The following NXPE3 variants were observed in gnomAD, a reference collection of about 807,000 sequenced individuals.
The protein encoded by NXPE3 is NXPE family member 3.
A neutral mutation model predicts 46.1 loss-of-function variants in NXPE3; 26 were observed. The observed-to-expected ratio is 0.56, with a 90% confidence interval of 0.41 to 0.78. The LOEUF (loss-of-function observed/expected upper bound fraction) is 0.78. Among genes scored for constraint, NXPE3 ranks in the 30% least tolerant of loss-of-function variants. The pLI is 0.00. For missense variants in NXPE3, 620 were observed against 686.0 expected (o/e 0.90, Z 1.07); for synonymous variants, 272 against 257.9 (o/e 1.05, Z -0.52).
At chr3:101,802,693 G>T (rs2107301735) in intron 5 of NXPE3, among the ~76,000 whole-genome samples, 1 of 152,042 alleles carries the variant, frequency 6.6e-6, no homozygotes, top group African/African-American at 2.4e-5. Context: ...AATAGTTGTT[G>T]AAATTATTGC....
rs1305744178 is a variant in NXPE3, at chr3:101,821,738, G to A, written c.1464G>A (p.Glu488=). ...VVVIRTANAQ[E]LGPEVSLFNS... ...TCATCCGGACGGCCAACGCCCAAGA[G>A]CTGGGACCTGAGGTGAGCCTTTTCA... Residue 488 remains glutamate (E), a synonymous_variant, in exon 8 of 8, where the codon GAG becomes GAA. Coordinates refer to ENST00000273347, the MANE Select transcript of NXPE3 (RefSeq NM_145037.4). 6 of 1,614,116 alleles carry A rather than the reference G, an allele frequency of 3.7e-6. No individual in the cohort carries two copies. Among genetic ancestry groups the A allele is most frequent in the Admixed American group, 3.3e-5 (2 of 60,006 alleles).
rs1334297793 is a variant in NXPE3, at chr3:101,822,384, C to T, written c.*430C>T. ...ATCTGCATGCATAGCACAAGTAATC[C>T]ATCTTCTGGCGGTTAACTAGAGAAA... is the stretch of plus-strand genomic sequence containing the variant. On this transcript the variant is annotated 3_prime_UTR_variant, in exon 8 of 8. Transcript: ENST00000273347. The T allele has an allele frequency of 6.2e-6, 1 of 160,038 alleles. No individual in the cohort carries two copies. Among genetic ancestry groups the T allele is most frequent in the East Asian group, 1.8e-4 (1 of 5,630 alleles). The allele number at this position is 160,038 out of a possible 1,614,324, so 9.9% of individuals were successfully genotyped here.
intron 3 of NXPE3, 55 bp from the exon 4 acceptor site, chr3:101,785,347 A>AC: frequency 2.4e-6 from 1 of 422,046 alleles, no homozygotes; most frequent in Non-Finnish European, 4.4e-6. Context: ...TTTTCCTCTC[A>AC]CCCCACCCTA....
In NXPE3 at chr3:101,825,149, C is replaced by T. The variant is rs1252596317; in HGVS notation, c.*3195C>T. Reference sequence around the variant, plus strand: ...AGTAATTTTTCCTGATCCTCTCCCTCCTCCTACCCTCCACCCTCCAATAGA... The same window carrying T: ...AGTAATTTTTCCTGATCCTCTCCCTTCTCCTACCCTCCACCCTCCAATAGA... On this transcript the variant is annotated 3_prime_UTR_variant, in exon 8 of 8. Coordinates refer to ENST00000273347, the MANE Select transcript of NXPE3 (RefSeq NM_145037.4). 6.6e-6 allele frequency: 1 copy of T among 152,162 alleles called. No individual in the cohort carries two copies. Among genetic ancestry groups the T allele is most frequent in the Non-Finnish European group, 1.5e-5 (1 of 68,044 alleles). 9.4% of individuals were successfully genotyped at this position (152,162 alleles called of 1,614,324 possible).
intron 3 of NXPE3, 113 bp from the exon 4 acceptor site, chr3:101,785,288 CT>C (rs1447870744): frequency 8.2e-6 from 2 of 242,602 alleles, no homozygotes; most frequent in South Asian, 1.2e-4. Context: ...TTGCTTTCTC[CT>C]TGTGACTTTG....
At position 101,825,619 on chromosome 3, in the gene NXPE3, C is replaced by T. The variant is rs531183443; in HGVS notation, c.*3665C>T. On this transcript the variant is annotated 3_prime_UTR_variant, in exon 8 of 8. Coordinates refer to ENST00000273347, the MANE Select transcript of NXPE3 (RefSeq NM_145037.4). Reference sequence around the variant, plus strand: ...CTTATAGAGAATATGTAATTTGGGTCTGTGTTTTTTACATATAAATATTTT... The same window carrying T: ...CTTATAGAGAATATGTAATTTGGGTTTGTGTTTTTTACATATAAATATTTT... 2 of 151,962 alleles carry T rather than the reference C, an allele frequency of 1.3e-5. No homozygotes were observed. The highest frequency in any genetic ancestry group is 2.9e-5 in the Non-Finnish European group (2 of 67,980). The allele number at this position is 151,962 out of a possible 1,614,324, so 9.4% of individuals were successfully genotyped here.
Position 101,801,575 on chromosome 3 carries a change from A to G in NXPE3, c.434A>G (p.Gln145Arg). 2 of 1,614,220 alleles carry G rather than the reference A, an allele frequency of 1.2e-6. No homozygotes were observed. The highest frequency in any genetic ancestry group is 2.2e-5 in the East Asian group (1 of 44,890). ...KPKKYGGDYLQARIHSLKLQA... is the reference protein window; with the variant it reads ...KPKKYGGDYLRARIHSLKLQA... ...AAGAAGTATGGTGGAGACTACCTGC[A>G]GGCCAGAATTCACTCCCTCAAGCTG... The change falls in exon 5 of 8, where the codon CAG becomes CGG. Residue 145 changes from glutamine to arginine, a missense_variant. Around this residue, in one of 3 missense-constraint regions of NXPE3, gnomAD observed 511 missense variants for 528.6 expected, o/e 0.97. Transcript: ENST00000273347.
At position 101,819,858 on chromosome 3, in the gene NXPE3, C is replaced by T. The variant is rs144726681; in HGVS notation, c.1130-1546C>T. ...GTGCAATAGATGTCTAAAACATTTT[C>T]CTTCTGAGACCTTGATTAATATTTC... On this transcript the variant is annotated intron_variant, in intron 7 of 7. Coordinates refer to ENST00000273347, the MANE Select transcript of NXPE3 (RefSeq NM_145037.4). Among the ~76,000 whole-genome samples the T allele has an allele frequency of 9.9e-3, 1,505 of 152,218 alleles. 22 individuals are homozygous for T. Among genetic ancestry groups the T allele is most frequent in the African/African-American group, 0.034 (1,393 of 41,512 alleles).
At chr3:101,805,365 G>T (rs1026700648) in intron 5 of NXPE3, among the ~76,000 whole-genome samples, 6 of 150,980 alleles carry the variant, frequency 4.0e-5, no homozygotes, top group Admixed American at 2.0e-4. Context: ...TAATCCAAAA[G>T]AATTCTTTAG....
At position 101,801,794 on chromosome 3, in the gene NXPE3, G is replaced by T. The variant is rs1429541585; in HGVS notation, c.653G>T (p.Arg218Ile). Residue 218 changes from arginine to isoleucine, a missense_variant, in exon 5 of 8, where the codon AGA (arginine) becomes ATA (isoleucine). Physicochemically the swap from Arg to Ile is moderately conservative, Grantham distance 97. Transcript: ENST00000273347. ...VYFKSLFRSG[R>I]ISETTECNVC... ...TTCAAGAGTCTCTTCCGTTCAGGAA[G>T]AATTTCTGAAACTACTGAGTGCAAC... The T allele has an allele frequency of 6.2e-7, 1 of 1,614,184 alleles. No homozygotes were observed. Among genetic ancestry groups the T allele is most frequent in the Admixed American group, 1.7e-5 (1 of 60,012 alleles).
chr3:101,788,879 G>A (rs1027953339), intron 4 of NXPE3, among the ~76,000 whole-genome samples: 2 of 152,262 alleles, frequency 1.3e-5, no homozygotes, highest in East Asian at 1.9e-4. Flanking sequence ...GCCTCCCAAA[G>A]TGCTGGGATT....
intron 7 of NXPE3, among the ~76,000 whole-genome samples, chr3:101,819,642 C>CAACAG (rs910941790): frequency 1.3e-5 from 2 of 152,072 alleles, no homozygotes; most frequent in Non-Finnish European, 2.9e-5. Flanking sequence ...CATTTTTAAT[C>CAACAG]AACAGATAAG....
chr3:101,793,627 C>CTTTTTTTTTTT lies in NXPE3; in HGVS notation c.94-7589_94-7579dup. ...TTTTTTTTGTATTAATTGACAAGGTCTTTTTTTTTTTTTTTTTTTTTTTTT... is the reference window on the plus strand; with the variant it reads ...TTTTTTTTGTATTAATTGACAAGGTCTTTTTTTTTTTTTTTTTTTTTTTTTTTTTTTTTTTT... On this transcript the variant is annotated intron_variant, in intron 4 of 7. Transcript: ENST00000273347. Among the ~76,000 whole-genome samples, 7 of 19,410 alleles carry CTTTTTTTTTTT rather than the reference C, an allele frequency of 3.6e-4. 1 individual carries two copies. The highest frequency in any genetic ancestry group is 1.7e-3 in the East Asian group (1 of 604). 12.7% of individuals were successfully genotyped at this position (19,410 alleles called of 152,430 possible). A position where few individuals can be genotyped will look rare whatever the true frequency, so the allele number is the denominator to read the frequency against.
intron 7 of NXPE3, among the ~76,000 whole-genome samples, 160 bp from the exon 8 acceptor site, chr3:101,821,244 G>A (rs1310418526): frequency 6.6e-6 from 1 of 152,022 alleles, no homozygotes; most frequent in Non-Finnish European, 1.5e-5. Flanking sequence ...ATACAAAAGG[G>A]GGCAGAGTTC....
chr3:101,809,583 T>C (rs1356553786), intron 6 of NXPE3, among the ~76,000 whole-genome samples: 3 of 152,250 alleles, frequency 2.0e-5, no homozygotes, highest in African/African-American at 7.2e-5. Context: ...TTTCAACATT[T>C]ATTAGTTGGA....
At chr3:101,800,845 A>G (rs1941099377) in intron 4 of NXPE3, among the ~76,000 whole-genome samples, 1 of 152,032 alleles carries the variant, frequency 6.6e-6, no homozygotes, top group Non-Finnish European at 1.5e-5. Context: ...TTAGCATGGT[A>G]TATCTTTCTC....
At chr3:101,782,445 G>A (rs937835431) in intron 2 of NXPE3, among the ~76,000 whole-genome samples, 155 bp downstream of exon 2, 3 of 151,628 alleles carry the variant, frequency 2.0e-5, no homozygotes, top group African/African-American at 7.3e-5. Context: ...ATGTTTATAG[G>A]AAAATACCAA....
chr3:101,802,304 C>G (rs1941208177), intron 5 of NXPE3, among the ~76,000 whole-genome samples: 2 of 151,870 alleles, frequency 1.3e-5, no homozygotes, highest in South Asian at 2.1e-4. Flanking sequence ...AGTAAAATCC[C>G]TTATTCACAG....
At chr3:101,805,821 A>AAATAT (rs1272388607) in intron 5 of NXPE3, among the ~76,000 whole-genome samples, 14 of 152,142 alleles carry the variant, frequency 9.2e-5, no homozygotes, top group African/African-American at 3.1e-4. Flanking sequence ...ATTATAGAAG[A>AAATAT]AGTTTTCCTG....
Sources: gnomAD v4.1 joint callset for allele counts (sites outside exome capture counted in the v4.1 genomes callset) on GRCh38, gnomAD v4.1.1 for gene constraint, gnomAD v4.1.1 regional missense constraint, MANE v1.5 for transcripts, NCBI Gene and HGNC (gene_info 2026-07-23, HGNC 2026-07-21) for gene names.